Variants in OOSP2 observed in about 807,000 individuals in gnomAD.
OOSP2 encodes oocyte-secreted protein 2.
OOSP2 carries 7 observed loss-of-function variants against 13.4 expected under a neutral mutation model. The observed-to-expected ratio is 0.52, with a 90% CI of 0.30 to 0.98. The LOEUF is 0.98. Ranked by LOEUF, OOSP2 falls within the 50% of genes least tolerant of loss-of-function variation. OOSP2 has a pLI of 0.07. For synonymous variants in OOSP2, 75 were observed against 67.2 expected, an observed-to-expected ratio of 1.12 and a Z score of -0.57; for missense variants, 184 against 188.5, an observed-to-expected ratio of 0.98 and a Z score of 0.14.
intron 1 of OOSP2, among the ~76,000 whole-genome samples, chr11:60,041,979 G>A (rs924489246): frequency 1.3e-5 from 2 of 150,810 alleles, no homozygotes; most frequent in Non-Finnish European, 3.0e-5. Flanking sequence ...AGGCGTGATG[G>A]CGGGTGCCTG....
At chr11:60,043,683 GTTTTGTCAGACTTTTATGCCTAGTA>G in intron 2 of OOSP2, 36 bp downstream of exon 2, 1 of 1,232,974 alleles carries the variant, frequency 8.1e-7, no homozygotes, top group Non-Finnish European at 1.2e-6. Context: ...AATACTGCAT[GTTTTGTCAGACTTTTATGCCTAGTA>G]TTAAAATTGT....
chr11:60,046,963 C>A lies in OOSP2; in HGVS notation c.367C>A (p.Pro123Thr). ...STSRKSVWLTPVSTENEIKLD... is the reference protein window; with the variant it reads ...STSRKSVWLTTVSTENEIKLD... ...CTTTAGGAAATCAGTGTGGCTTACA[C>A]CAGTTTCTACTGAGAATGAAATAAA... The change falls in exon 4 of 4, where the codon CCA becomes ACA. Residue 123 changes from proline (P) to threonine (T), a missense_variant. Physicochemically the swap from Pro to Thr is conservative, Grantham distance 38 (BLOSUM62 -1). Transcript: ENST00000278855. 1 of 1,610,062 alleles carries A rather than the reference C, an allele frequency of 6.2e-7. No individual in the cohort carries two copies. Among genetic ancestry groups the A allele is most frequent in the Non-Finnish European group, 8.5e-7 (1 of 1,176,610 alleles).
chr11:60,041,956 C>T (rs1318845834), intron 1 of OOSP2, among the ~76,000 whole-genome samples: 1 of 150,602 alleles, frequency 6.6e-6, no homozygotes, highest in Non-Finnish European at 1.5e-5. Flanking sequence ...GTGGGCGGAT[C>T]ACGAGGTCAG....
chr11:60,044,010 G>A (rs1854974913), intron 2 of OOSP2, among the ~76,000 whole-genome samples: 1 of 152,226 alleles, frequency 6.6e-6, no homozygotes, highest in Admixed American at 6.5e-5. Flanking sequence ...ATCTATCCAT[G>A]TTCCATGAGG....
chr11:60,046,834 C>T, intron 3 of OOSP2, 110 bp from the exon 4 acceptor site: 1 of 910,146 alleles, frequency 1.1e-6, no homozygotes. Context: ...GGCTCTATGC[C>T]ATACTCCTGA....
In OOSP2 at chr11:60,044,211, A is replaced by G. The variant is rs1321160398; in HGVS notation, c.244-460A>G. ...ATGATAATAACAATCATTTTTGAAT[A>G]AAGTATTTTATTTTAGAAATTGGGA... On this transcript the variant is annotated intron_variant, in intron 2 of 3. Coordinates refer to ENST00000278855, the MANE Select transcript of OOSP2 (RefSeq NM_173801.5). Among the ~76,000 whole-genome samples the G allele has an allele frequency of 3.3e-5, 5 of 152,260 alleles. No individual in the cohort carries two copies. The East Asian group carries it at 9.6e-4, about 29-fold the overall frequency.
chr11:60,041,446 CCTAA>C (rs906760835), intron 1 of OOSP2, among the ~76,000 whole-genome samples: 5 of 152,138 alleles, frequency 3.3e-5, no homozygotes, highest in Middle Eastern at 3.4e-3. Flanking sequence ...GTGTTTAGGC[CCTAA>C]CTGTCTTTCA....
At chr11:60,041,426 G>T (rs1048455451) in intron 1 of OOSP2, among the ~76,000 whole-genome samples, 1 of 152,106 alleles carries the variant, frequency 6.6e-6, no homozygotes, top group African/African-American at 2.4e-5. Flanking sequence ...GGCTATTTAG[G>T]GTGGGTAGGG....
rs758193826 is a variant in OOSP2 at position 60,040,484 on chromosome 11, C to T, written c.25C>T (p.Leu9Phe). ...CATGGCGTTAGAAGTCTTGATGCTC[C>T]TCGCTGTCTTGATTTGGACCGGTGC... is the stretch of plus-strand genomic sequence containing the variant. Reference protein sequence around the residue: MALEVLMLLAVLIWTGAEN... With the variant: MALEVLMLFAVLIWTGAEN... The change falls in exon 1 of 4, where the codon CTC becomes TTC. Residue 9 changes from leucine (L) to phenylalanine (F), a missense_variant. Leu to Phe is a conservative substitution (Grantham distance 22). Transcript: ENST00000278855. 1 of 1,604,680 alleles carries T rather than the reference C, an allele frequency of 6.2e-7. No homozygotes were observed. The highest frequency in any genetic ancestry group is 2.2e-5 in the East Asian group (1 of 44,838).
At chr11:60,046,792 A>G in intron 3 of OOSP2, 152 bp from the exon 4 acceptor site, 1 of 768,696 alleles carries the variant, frequency 1.3e-6, no homozygotes, top group Non-Finnish European at 2.4e-6. Flanking sequence ...CTGTACCAAG[A>G]GTCCACGAGG....
At position 60,047,219 on chromosome 11, in the gene OOSP2, T is replaced by C; in HGVS notation, c.*146T>C. The C allele has an allele frequency of 1.7e-6, 1 of 599,060 alleles. No homozygotes were observed. The highest frequency in any genetic ancestry group is 2.9e-6 in the Non-Finnish European group (1 of 343,598). 37.1% of individuals were successfully genotyped at this position (599,060 alleles called of 1,614,324 possible). ...ACCCTACTTCAGTAAAGGTCCTGATTAGTTGATTAGTGAATGTGTATTTCT... is the reference window on the plus strand; with the variant it reads ...ACCCTACTTCAGTAAAGGTCCTGATCAGTTGATTAGTGAATGTGTATTTCT... On this transcript the variant is annotated 3_prime_UTR_variant, in exon 4 of 4. Coordinates refer to ENST00000278855, the MANE Select transcript of OOSP2 (RefSeq NM_173801.5).
In OOSP2 at chr11:60,044,720, C is replaced by A; in HGVS notation, c.293C>A (p.Pro98Gln). 1.2e-6 allele frequency: 2 copies of A among 1,605,286 alleles called. No individual in the cohort carries two copies. The highest frequency in any genetic ancestry group is 1.7e-6 in the Non-Finnish European group (2 of 1,172,494). The change falls in exon 3 of 4, where the codon CCA (proline) becomes CAA (glutamine). Residue 98 changes from proline (P) to glutamine (Q), a missense_variant. Pro to Gln is a moderately conservative substitution (Grantham distance 76). Transcript: ENST00000278855. ...TTTCAAACCGAGCTGTACTTTACCC[C>A]AAGGAATATAGATCATGACCCTCAG... The part of the protein sequence containing the change: ...LLFQTELYFT[P>Q]RNIDHDPQEI...
intron 3 of OOSP2, among the ~76,000 whole-genome samples, chr11:60,046,474 G>A (rs551811358): frequency 1.4e-4 from 21 of 152,102 alleles, no homozygotes; most frequent in African/African-American, 4.8e-4. Context: ...GGCCAACAAA[G>A]TTGTCTGTTT....
At chr11:60,041,850 CAAAAAA>C (rs571172974) in intron 1 of OOSP2, among the ~76,000 whole-genome samples, 3 of 36,418 alleles carry the variant, frequency 8.2e-5, no homozygotes, top group African/African-American at 1.2e-4. Flanking sequence ...GACTCTGTCT[CAAAAAA>C]AAAAAAAAAA....
chr11:60,046,828 C>T lies in OOSP2; in HGVS notation c.348-116C>T, dbSNP rs371443214. 5.8e-5 allele frequency: 51 copies of T among 881,208 alleles called. No homozygotes were observed. In the African/African-American group the frequency reaches 7.7e-4, roughly 13 times the overall value. The allele number at this position is 881,208 out of a possible 1,614,324, so 54.6% of individuals were successfully genotyped here. On this transcript the variant is annotated intron_variant, in intron 3 of 3. Coordinates refer to ENST00000278855, the MANE Select transcript of OOSP2 (RefSeq NM_173801.5). ...ATCTAGAAGGCATAGTATGCTGGCT[C>T]TATGCCATACTCCTGAATGACTATT...
At chr11:60,043,049 C>T (rs548495424) in intron 1 of OOSP2, among the ~76,000 whole-genome samples, 9 of 152,140 alleles carry the variant, frequency 5.9e-5, no homozygotes, top group Admixed American at 2.6e-4. Context: ...GGACTACAGG[C>T]GCTTGCCACC....
intron 1 of OOSP2, among the ~76,000 whole-genome samples, chr11:60,042,285 C>A (rs535234632): frequency 3.9e-5 from 6 of 152,166 alleles, no homozygotes; most frequent in Admixed American, 2.6e-4. Context: ...TAGGAAGGAC[C>A]TTCCTGATCA....
intron 1 of OOSP2, among the ~76,000 whole-genome samples, chr11:60,042,183 C>T (rs1854944147): frequency 1.3e-5 from 2 of 152,206 alleles, no homozygotes; most frequent in South Asian, 4.1e-4. Context: ...AAAAAAAATG[C>T]AGTGAAATCA....
At chr11:60,046,044 C>T (rs184036343) in intron 3 of OOSP2, among the ~76,000 whole-genome samples, 44 of 150,216 alleles carry the variant, frequency 2.9e-4, no homozygotes, top group African/African-American at 9.7e-4. Flanking sequence ...GTCTGTCTGT[C>T]TGTCTCTCTG....
Sources: gnomAD v4.1 joint callset for allele counts (sites outside exome capture counted in the v4.1 genomes callset) on GRCh38, gnomAD v4.1.1 for gene constraint, MANE v1.5 for transcripts, NCBI Gene and HGNC (gene_info 2026-07-23, HGNC 2026-07-21) for gene names.